NBAS: variants seen among roughly 807,000 people sequenced by gnomAD.
NBAS encodes NAG/BC035112 fusion.
NBAS carries 219 observed loss-of-function variants against 302.5 expected under a neutral mutation model. The ratio of observed to expected loss-of-function variants is 0.72; its 90% CI spans 0.65 to 0.81. NBAS has a LOEUF of 0.81. NBAS is among the 30% of genes least tolerant of loss of function. NBAS has a pLI of 0.00. For synonymous variants in NBAS, 1,118 were observed against 1,021.6 expected (o/e 1.09, Z -1.80); for missense variants, 2,932 against 2,841.6 (o/e 1.03, Z -0.72).
intron 21 of NBAS, among the ~76,000 whole-genome samples, chr2:15,455,280 T>C (rs1679200545): frequency 6.6e-6 from 1 of 152,210 alleles, no homozygotes; most frequent in Admixed American, 6.5e-5. Context: ...TAATCCCCTT[T>C]TTCTCATATG....
downstream of NBAS, among the ~76,000 whole-genome samples, chr2:15,163,957 T>G (rs887655178): frequency 3.9e-5 from 6 of 152,238 alleles, no homozygotes; most frequent in African/African-American, 1.4e-4. Flanking sequence ...CCACCACGCC[T>G]GGCTAATTTT....
At chr2:15,221,786 AGATGTGTGGGTGGTAAAT>A (rs1666959732) in intron 47 of NBAS, among the ~76,000 whole-genome samples, 1 of 152,256 alleles carries the variant, frequency 6.6e-6, no homozygotes, top group African/African-American at 2.4e-5. Context: ...ATTAAAGCAC[AGATGTGTGGGTGGTAAAT>A]TAGAGGAGAG....
At chr2:14,843,057 A>G in the NBAS span, among the ~76,000 whole-genome samples, 2 of 152,302 alleles carry the variant, frequency 1.3e-5, no homozygotes, top group Admixed American at 1.3e-4. Context: ...CAGAATCAAG[A>G]GTAGAAACTA....
chr2:15,250,522 A>G (rs1668313336), intron 44 of NBAS, among the ~76,000 whole-genome samples: 1 of 152,228 alleles, frequency 6.6e-6, no homozygotes. Flanking sequence ...CAGAGTGAAC[A>G]GGCAGTCTAC....
intron 31 of NBAS, 48 bp from the exon 32 acceptor site, chr2:15,366,741 A>C (rs1558275655): frequency 6.4e-7 from 1 of 1,565,306 alleles, no homozygotes; most frequent in Admixed American, 1.7e-5. Flanking sequence ...ACATCACAAA[A>C]GGGTGTTAAT....
intron 3 of NBAS, among the ~76,000 whole-genome samples, chr2:15,556,080 T>C (rs755747221): frequency 6.6e-6 from 1 of 152,136 alleles, no homozygotes; most frequent in South Asian, 2.1e-4. Flanking sequence ...TATGCATACA[T>C]ATATACATGT....
At chr2:14,993,988 T>C in the NBAS span, among the ~76,000 whole-genome samples, 1 of 152,174 alleles carries the variant, frequency 6.6e-6, no homozygotes, top group Non-Finnish European at 1.5e-5. Flanking sequence ...AGATAAAGCA[T>C]GCACAGAAAT....
At chr2:14,818,820 C>T in the NBAS span, among the ~76,000 whole-genome samples, 1 of 152,184 alleles carries the variant, frequency 6.6e-6, no homozygotes, top group Admixed American at 6.5e-5. Context: ...GAACTCTCTG[C>T]TCTCCGGGTA....
At chr2:14,877,325 C>T in the NBAS span, among the ~76,000 whole-genome samples, 1 of 152,158 alleles carries the variant, frequency 6.6e-6, no homozygotes. Context: ...ATTCCACCCC[C>T]CTTGATTCAG....
chr2:15,290,775 G>A lies in NBAS; in HGVS notation c.5027+1762C>T, dbSNP rs79710851. On this transcript the variant is annotated intron_variant, in intron 41 of 51. Coordinates refer to ENST00000281513, the MANE Select transcript of NBAS (RefSeq NM_015909.4). ...AATTATGAACCTCCAGAAGGACAGA[G>A]GAGAAGAGAAAAACAATTCCATATT... 5.3e-5 allele frequency among the ~76,000 whole-genome samples: 8 copies of A among 152,276 alleles called. No individual in the cohort carries two copies. In the East Asian group the frequency reaches 1.5e-3, roughly 29 times the overall value.
intron 48 of NBAS, among the ~76,000 whole-genome samples, chr2:15,205,318 G>A (rs186938045): frequency 4.6e-5 from 7 of 151,824 alleles, no homozygotes; most frequent in Admixed American, 2.0e-4. Context: ...TTCACTAAAC[G>A]GAAGACAGGA....
intron 25 of NBAS, among the ~76,000 whole-genome samples, chr2:15,414,609 C>T (rs1300373596): frequency 6.6e-6 from 1 of 152,130 alleles, no homozygotes; most frequent in Non-Finnish European, 1.5e-5. Flanking sequence ...CAAAGCTATA[C>T]ATATAGTAAT....
the NBAS span, among the ~76,000 whole-genome samples, chr2:15,040,016 T>C: frequency 3.3e-5 from 5 of 152,138 alleles, no homozygotes; most frequent in Non-Finnish European, 7.4e-5. Flanking sequence ...CCAGAGAGAA[T>C]GACAGCTCAG....
At chr2:15,501,584 AT>A (rs70961416) in intron 11 of NBAS, among the ~76,000 whole-genome samples, 1,307 of 107,214 alleles carry the variant, frequency 0.012, 3 homozygotes, top group African/African-American at 0.041. Flanking sequence ...TGAACTAAAT[AT>A]TTTTTTTTTT....
chr2:15,074,141 C>A, the NBAS span, among the ~76,000 whole-genome samples: 2 of 152,096 alleles, frequency 1.3e-5, no homozygotes, highest in African/African-American at 4.8e-5. Context: ...AAAACTCAAA[C>A]ATACATTCAA....
At chr2:15,016,868 T>A in the NBAS span, among the ~76,000 whole-genome samples, 5 of 152,178 alleles carry the variant, frequency 3.3e-5, no homozygotes, top group African/African-American at 7.2e-5. Flanking sequence ...CTGTACATAG[T>A]AGGTGTATAT....
the NBAS span, among the ~76,000 whole-genome samples, chr2:14,929,903 G>A: frequency 0.11 from 16,539 of 152,064 alleles, 990 homozygotes; most frequent in African/African-American, 0.15. Context: ...TGGATCATGG[G>A]GGCAGATTTC....
chr2:15,234,473 G>C (rs1413070274), intron 46 of NBAS, 72 bp downstream of exon 46: 1 of 1,475,810 alleles, frequency 6.8e-7, no homozygotes, highest in African/African-American at 1.4e-5. Context: ...TTTACATACA[G>C]GATGACAGTT....
the NBAS span, among the ~76,000 whole-genome samples, chr2:14,893,449 T>C: frequency 1.3e-5 from 2 of 152,240 alleles, no homozygotes; most frequent in African/African-American, 2.4e-5. Context: ...TCTTTCTTTT[T>C]GTCTTTCTTC....
Sources: allele counts gnomAD v4.1 joint callset (sites outside exome capture counted in the v4.1 genomes callset), GRCh38; gene constraint gnomAD v4.1.1; transcripts MANE v1.5; gene names NCBI Gene and HGNC (gene_info 2026-07-23, HGNC 2026-07-21).